Variants in PDE3B observed in about 807,000 individuals in gnomAD.
PDE3B encodes phosphodiesterase 3B, also known as cGMP-inhibited 3',5'-cyclic phosphodiesterase 3B.
PDE3B carries 66 observed loss-of-function variants against 116.8 expected under a neutral mutation model. That is an observed-to-expected ratio of 0.56 (90% CI 0.46 to 0.69). The LOEUF (loss-of-function observed/expected upper bound fraction) is 0.69. Among genes scored for constraint, PDE3B ranks in the 30% least tolerant of loss-of-function variants. The probability of loss-of-function intolerance (pLI) is 0.00; values close to 1 mark genes in which losing one functional copy is unlikely to be tolerated. For synonymous variants in PDE3B, 595 were observed against 533.6 expected, an observed-to-expected ratio of 1.12 and a Z score of -1.59; for missense variants, 1,384 against 1,368.1, an observed-to-expected ratio of 1.01 and a Z score of -0.18.
the PDE3B span, chr11:14,878,118 A>G: frequency 6.2e-7 from 1 of 1,612,892 alleles, no homozygotes; most frequent in Non-Finnish European, 8.5e-7. Context: ...CATCCCAGGC[A>G]GTTTCAGCGT....
At chr11:14,891,531 T>C in the PDE3B span, 24 of 995,640 alleles carry the variant, frequency 2.4e-5, no homozygotes, top group Non-Finnish European at 2.7e-5. Flanking sequence ...CCGAAGAACC[T>C]GCTATTAACC....
chr11:14,831,874 C>A, intron 9 of PDE3B, 97 bp downstream of exon 9: 3 of 694,798 alleles, frequency 4.3e-6, no homozygotes, highest in Non-Finnish European at 7.1e-6. Context: ...AGCACTAGTT[C>A]AACAATGACA....
At chr11:14,654,550 T>G (rs78702157) in intron 1 of PDE3B, among the ~76,000 whole-genome samples, 2,158 of 152,030 alleles carry the variant, frequency 0.014, 21 homozygotes, top group Middle Eastern at 0.027. Flanking sequence ...GCAGAAGAAA[T>G]GAATGAGATC....
intron 1 of PDE3B, among the ~76,000 whole-genome samples, chr11:14,645,812 G>A (rs575183993): frequency 2.4e-4 from 37 of 151,774 alleles, no homozygotes; most frequent in African/African-American, 8.2e-4. Context: ...TAGCAAATGA[G>A]TTTACATCTT....
chr11:14,879,274 A>G, the PDE3B span: 4 of 1,613,350 alleles, frequency 2.5e-6, no homozygotes, highest in Non-Finnish European at 3.4e-6. Flanking sequence ...TGGAATAACC[A>G]CGTACAACTG....
At chr11:14,727,482 A>G (rs1441084364) in intron 1 of PDE3B, among the ~76,000 whole-genome samples, 2 of 152,086 alleles carry the variant, frequency 1.3e-5, no homozygotes, top group Non-Finnish European at 2.9e-5. Context: ...CCACCATGCT[A>G]TTCTGTCTTT....
At chr11:14,854,934 A>C (rs1847821637) in intron 12 of PDE3B, among the ~76,000 whole-genome samples, 2 of 152,244 alleles carry the variant, frequency 1.3e-5, no homozygotes, top group South Asian at 4.1e-4. Context: ...AATCTAGGGA[A>C]TAGAGAAGCA....
At chr11:14,837,474 A>G (rs1445725942) in intron 11 of PDE3B, among the ~76,000 whole-genome samples, 2 of 152,226 alleles carry the variant, frequency 1.3e-5, no homozygotes, top group African/African-American at 2.4e-5. Context: ...TGTATTCCAC[A>G]TAACTGCAAC....
intron 7 of PDE3B, among the ~76,000 whole-genome samples, chr11:14,821,019 G>A (rs1859500846): frequency 6.6e-6 from 1 of 152,206 alleles, no homozygotes; most frequent in Admixed American, 6.5e-5. Context: ...ATTTCTTTGG[G>A]TGGACTAGCC....
chr11:14,764,300 C>T (rs932692600), intron 1 of PDE3B, among the ~76,000 whole-genome samples: 5 of 152,044 alleles, frequency 3.3e-5, no homozygotes, highest in African/African-American at 9.7e-5. Context: ...CTATTGACCT[C>T]CATTGGCTAA....
intron 11 of PDE3B, among the ~76,000 whole-genome samples, chr11:14,837,052 A>C (rs1366235634): frequency 6.6e-6 from 1 of 152,192 alleles, no homozygotes; most frequent in African/African-American, 2.4e-5. Flanking sequence ...GAGCTCAGGC[A>C]ATCCGCCCAC....
chr11:14,712,405 C>T (rs1047571645), intron 1 of PDE3B, among the ~76,000 whole-genome samples: 6 of 147,174 alleles, frequency 4.1e-5, no homozygotes, highest in Middle Eastern at 3.2e-3. Flanking sequence ...TTTTGAGGTG[C>T]GTTAAATATT....
chr11:14,857,027 G>T (rs921604465), intron 12 of PDE3B, among the ~76,000 whole-genome samples: 14 of 151,974 alleles, frequency 9.2e-5, no homozygotes, highest in Non-Finnish European at 1.6e-4. Flanking sequence ...TTCTCTTTTT[G>T]TTCTTATTTA....
intron 2 of PDE3B, among the ~76,000 whole-genome samples, chr11:14,779,390 A>G (rs1412214220): frequency 1.3e-5 from 2 of 152,252 alleles, no homozygotes; most frequent in Non-Finnish European, 2.9e-5. Flanking sequence ...GTTGAAATAA[A>G]GGAAAAAATG....
intron 12 of PDE3B, among the ~76,000 whole-genome samples, chr11:14,855,842 A>G (rs1555006095): frequency 6.6e-6 from 1 of 152,252 alleles, no homozygotes; most frequent in Admixed American, 6.5e-5. Flanking sequence ...ACATGAGAGC[A>G]AAATAATGAG....
At chr11:14,891,844 T>A in the PDE3B span, 3 of 1,412,164 alleles carry the variant, frequency 2.1e-6, no homozygotes, top group Non-Finnish European at 2.8e-6. Flanking sequence ...GAAGCGGGTG[T>A]CCCTCAAAGG....
intron 1 of PDE3B, among the ~76,000 whole-genome samples, chr11:14,652,008 G>C (rs1853586561): frequency 6.6e-6 from 1 of 152,038 alleles, no homozygotes; most frequent in Non-Finnish European, 1.5e-5. Flanking sequence ...CTATGATTTT[G>C]GTGTCATATC....
At chr11:14,806,587 C>T (rs966308937) in intron 5 of PDE3B, among the ~76,000 whole-genome samples, 10 of 150,892 alleles carry the variant, frequency 6.6e-5, no homozygotes, top group East Asian at 2.0e-4. Context: ...AGGCCGGGCG[C>T]GGTGGCTCAT....
At chr11:14,861,848 G>A (rs1847956960) in intron 14 of PDE3B, among the ~76,000 whole-genome samples, 1 of 152,176 alleles carries the variant, frequency 6.6e-6, no homozygotes, top group Admixed American at 6.5e-5. Flanking sequence ...CCTTTGACTT[G>A]GAGTCTTATA....
Sources: gnomAD v4.1 joint callset for allele counts (sites outside exome capture counted in the v4.1 genomes callset) on GRCh38, gnomAD v4.1.1 for gene constraint, MANE v1.5 for transcripts, NCBI Gene and HGNC (gene_info 2026-07-23, HGNC 2026-07-21) for gene names.